Variants in MYOF observed in about 807,000 individuals in gnomAD.
MYOF encodes myoferlin.
A neutral mutation model predicts 284.2 loss-of-function variants in MYOF; 244 were observed. The observed-to-expected ratio is 0.86, with a 90% CI of 0.77 to 0.95. The LOEUF is 0.95. Ranked by LOEUF, MYOF falls within the 40% of genes least tolerant of loss-of-function variation. MYOF has a pLI of 0.00. For missense variants in MYOF, 2,496 were observed against 2,560.6 expected, an observed-to-expected ratio of 0.97 and a Z score of 0.54; for synonymous variants, 904 against 919.7, an observed-to-expected ratio of 0.98 and a Z score of 0.31.
At chr10:93,367,235 G>GA (rs1286322276) in intron 25 of MYOF, among the ~76,000 whole-genome samples, 1 of 152,204 alleles carries the variant, frequency 6.6e-6, no homozygotes, top group Admixed American at 6.5e-5. Context: ...TTCCAAGTTA[G>GA]AATCTATAAA....
chr10:93,316,893 C>T (rs1842636615), intron 49 of MYOF, 80 bp from the exon 50 acceptor site: 1 of 1,114,680 alleles, frequency 9.0e-7, no homozygotes, highest in African/African-American at 1.5e-5. Flanking sequence ...AAGCCTGGGG[C>T]CTTTCTCTCC....
intron 1 of MYOF, among the ~76,000 whole-genome samples, chr10:93,470,144 G>A (rs928205004): frequency 6.7e-6 from 1 of 149,864 alleles, no homozygotes; most frequent in Non-Finnish European, 1.5e-5. Context: ...TAGGAGAATC[G>A]CTTGACCCCA....
chr10:93,370,595 G>A (rs1486244041), intron 24 of MYOF, among the ~76,000 whole-genome samples: 3 of 151,952 alleles, frequency 2.0e-5, no homozygotes, highest in East Asian at 1.9e-4. Context: ...GATGACAGGC[G>A]TACACCACTG....
At chr10:93,309,823 C>T (rs545660804) in intron 53 of MYOF, among the ~76,000 whole-genome samples, 197 bp downstream of exon 53, 4 of 152,244 alleles carry the variant, frequency 2.6e-5, no homozygotes, top group Admixed American at 1.3e-4. Flanking sequence ...AAGTTCTGCC[C>T]GTAATTTGTG....
rs755926618 is a variant in MYOF, at chr10:93,428,394, C to T, written c.346-2236G>A. Among the ~76,000 whole-genome samples the T allele has an allele frequency of 1.0e-3, 150 of 150,730 alleles. 1 individual carries two copies. The highest frequency in any genetic ancestry group is 1.6e-3 in the Non-Finnish European group (109 of 67,736). ...TTTTGTTTTTTTTTTTTAATAGAGA[C>T]GGGGTTTCACCATGTTGGCCAGGCT... On this transcript the variant is annotated intron_variant, in intron 4 of 53. Transcript: ENST00000359263.
intron 28 of MYOF, 127 bp from the exon 29 acceptor site, chr10:93,360,105 T>A: frequency 8.5e-7 from 1 of 1,173,396 alleles, no homozygotes; most frequent in African/African-American, 1.5e-5. Flanking sequence ...ACCGAATATG[T>A]GGCTGTTTTC....
intron 19 of MYOF, among the ~76,000 whole-genome samples, chr10:93,385,624 C>A (rs1846326220): frequency 6.6e-6 from 1 of 152,202 alleles, no homozygotes; most frequent in Non-Finnish European, 1.5e-5. Flanking sequence ...GTGGCTATGT[C>A]TTCAGAATCC....
intron 25 of MYOF, among the ~76,000 whole-genome samples, chr10:93,369,266 T>TATGTGTGTGTGTGTGC (rs59877404): frequency 2.7e-5 from 4 of 148,000 alleles, no homozygotes; most frequent in East Asian, 3.9e-4. Context: ...TTGGTGTGTG[T>TATGTGTGTGTGTGTGC]GTGTGTGTGT....
At chr10:93,345,528 G>T (rs1474690818) in intron 37 of MYOF, among the ~76,000 whole-genome samples, 1 of 152,064 alleles carries the variant, frequency 6.6e-6, no homozygotes, top group Non-Finnish European at 1.5e-5. Flanking sequence ...GATCCACGTG[G>T]CACCCCTAGA....
chr10:93,456,965 C>T lies in MYOF; in HGVS notation c.89-28G>A, dbSNP rs1240529378. On this transcript the variant is annotated intron_variant, in intron 1 of 53. Coordinates refer to ENST00000359263, the MANE Select transcript of MYOF (RefSeq NM_013451.4). Reference sequence around the variant, plus strand: ...GCAAAAGAGATAAAGGAAGAGACAGCAATCATTTATAAAAAAATTAAAGAG... The same window carrying T: ...GCAAAAGAGATAAAGGAAGAGACAGTAATCATTTATAAAAAAATTAAAGAG... 2 of 1,544,970 alleles carry T rather than the reference C, an allele frequency of 1.3e-6. 1 individual carries two copies. The highest frequency in any genetic ancestry group is 1.8e-6 in the Non-Finnish European group (2 of 1,136,000).
At chr10:93,406,529 G>A (rs1589518917) in intron 7 of MYOF, among the ~76,000 whole-genome samples, 1 of 135,524 alleles carries the variant, frequency 7.4e-6, no homozygotes, top group African/African-American at 2.6e-5. Context: ...CAGGGTTTAC[G>A]CGTTAGGCCC....
intron 41 of MYOF, among the ~76,000 whole-genome samples, chr10:93,334,219 G>C (rs766260187): frequency 1.2e-4 from 19 of 152,124 alleles, no homozygotes; most frequent in Non-Finnish European, 2.4e-4. Context: ...CACATTCTTT[G>C]AAGATAGGAA....
At chr10:93,417,914 C>T (rs987400487) in intron 5 of MYOF, among the ~76,000 whole-genome samples, 3 of 152,210 alleles carry the variant, frequency 2.0e-5, no homozygotes, top group Non-Finnish European at 4.4e-5. Flanking sequence ...CCTCCCACCT[C>T]AGCCCCTAGA....
chr10:93,477,863 A>T (rs113168568), intron 1 of MYOF, among the ~76,000 whole-genome samples: 49 of 152,270 alleles, frequency 3.2e-4, no homozygotes, highest in South Asian at 2.5e-3. Flanking sequence ...AAATAAATAA[A>T]TAAAAATGAA....
At chr10:93,405,399 G>T (rs1589516370) in intron 7 of MYOF, among the ~76,000 whole-genome samples, 1 of 152,202 alleles carries the variant, frequency 6.6e-6, no homozygotes, top group African/African-American at 2.4e-5. Context: ...CCAAAAGGAA[G>T]CTATATAAAA....
In MYOF at chr10:93,456,859, A is replaced by C. The variant is rs372169575; in HGVS notation, c.144+23T>G. On this transcript the variant is annotated intron_variant, in intron 2 of 53. Transcript: ENST00000359263. ...AGAAATAGCTTATCTATTAAAACAA[A>C]GTTGAAAAAACAATGAAGTCACCTC... The C allele has an allele frequency of 1.3e-5, 20 of 1,562,122 alleles. No individual in the cohort carries two copies. The East Asian group carries it at 1.6e-4, about 12-fold the overall frequency.
At chr10:93,321,128 T>G (rs1247142743) in intron 48 of MYOF, among the ~76,000 whole-genome samples, 1 of 152,120 alleles carries the variant, frequency 6.6e-6, no homozygotes, top group Non-Finnish European at 1.5e-5. Context: ...CTATCTCCAT[T>G]TTGTGGAAGA....
At chr10:93,386,797 A>T (rs552266379) in intron 19 of MYOF, among the ~76,000 whole-genome samples, 1 of 152,322 alleles carries the variant, frequency 6.6e-6, no homozygotes, top group South Asian at 2.1e-4. Context: ...TCTCCCTGTC[A>T]ATCATCCTGC....
At chr10:93,386,426 C>G (rs1238255960) in intron 19 of MYOF, among the ~76,000 whole-genome samples, 3 of 152,166 alleles carry the variant, frequency 2.0e-5, no homozygotes, top group Non-Finnish European at 4.4e-5. Flanking sequence ...AAAAACAAAA[C>G]AAATGATCAT....
Sources: gnomAD v4.1 joint callset for allele counts (sites outside exome capture counted in the v4.1 genomes callset) on GRCh38, gnomAD v4.1.1 for gene constraint, MANE v1.5 for transcripts, NCBI Gene and HGNC (gene_info 2026-07-23, HGNC 2026-07-21) for gene names.